DYSF: variants seen among roughly 807,000 people sequenced by gnomAD.
The protein encoded by DYSF is dystrophy-associated fer-1-like 1.
In DYSF, 212 loss-of-function variants were observed where a neutral mutation model predicts 274.9. That is an observed-to-expected ratio of 0.77 (90% CI 0.69 to 0.86). The LOEUF (loss-of-function observed/expected upper bound fraction) is 0.86, where lower values mean the gene tolerates loss of function less well. DYSF is among the 40% of genes least tolerant of loss of function. The pLI is 0.00. For synonymous variants in DYSF, 1,091 were observed against 1,078.7 expected, an observed-to-expected ratio of 1.01 and a Z score of -0.22; for missense variants, 2,666 against 2,783.2, an observed-to-expected ratio of 0.96 and a Z score of 0.95.
At chr2:71,523,420 G>T (rs1475125152) in intron 12 of DYSF, among the ~76,000 whole-genome samples, 2 of 152,198 alleles carry the variant, frequency 1.3e-5, no homozygotes, top group African/African-American at 4.8e-5. Flanking sequence ...TTTGTTAGGG[G>T]AGGCAGAAAA....
intron 45 of DYSF, among the ~76,000 whole-genome samples, chr2:71,663,436 G>A (rs565044154): frequency 5.2e-4 from 79 of 152,226 alleles, no homozygotes; most frequent in Non-Finnish European, 1.0e-3. Context: ...AGCAGTTCCA[G>A]TCTGGCCTCA....
At position 71,589,113 on chromosome 2, in the gene DYSF, G is replaced by C. The variant is rs114365192; in HGVS notation, c.3403-480G>C. Among the ~76,000 whole-genome samples, 545 of 152,276 alleles carry C rather than the reference G, an allele frequency of 3.6e-3. 4 individuals are homozygous for C. The highest frequency in any genetic ancestry group is 0.013 in the African/African-American group (522 of 41,538). On this transcript the variant is annotated intron_variant, in intron 30 of 55. Coordinates refer to ENST00000410020, the MANE Select transcript of DYSF (RefSeq NM_001130987.2). ...AGCCTTGCTCACCCTCAGCAGAGTGGGAACTGGTGAGAGATGGTGGGTGTG... is the reference window on the plus strand; with the variant it reads ...AGCCTTGCTCACCCTCAGCAGAGTGCGAACTGGTGAGAGATGGTGGGTGTG...
chr2:71,566,353 CAAAAA>C (rs773800974), intron 24 of DYSF, among the ~76,000 whole-genome samples: 3 of 49,816 alleles, frequency 6.0e-5, no homozygotes, highest in East Asian at 8.3e-4. Context: ...TGGTTTCAAG[CAAAAA>C]AAAAAAAAAA....
At chr2:71,498,771 T>C (rs2084675683) in intron 3 of DYSF, among the ~76,000 whole-genome samples, 1 of 152,230 alleles carries the variant, frequency 6.6e-6, no homozygotes, top group African/African-American at 2.4e-5. Flanking sequence ...TAAGGGCATT[T>C]TGGAGATTAA....
intron 32 of DYSF, among the ~76,000 whole-genome samples, chr2:71,592,076 C>G (rs938333503): frequency 6.6e-6 from 1 of 152,244 alleles, no homozygotes; most frequent in Non-Finnish European, 1.5e-5. Context: ...TATAGCCTTG[C>G]TTCCTCTCCC....
Position 71,665,315 on chromosome 2 carries a change from A to G in DYSF, c.5317+11A>G, listed in dbSNP as rs2152951889. On this transcript the variant is annotated intron_variant, in intron 47 of 55. Transcript: ENST00000410020. ...CCATTGAAGAGATAGGTGAGCTGCC[A>G]CATGACCCCAAACCATGGTGGGCTC... 1.2e-6 allele frequency: 2 copies of G among 1,614,116 alleles called. No individual in the cohort carries two copies. The highest frequency in any genetic ancestry group is 1.1e-5 in the South Asian group (1 of 91,082).
intron 4 of DYSF, among the ~76,000 whole-genome samples, chr2:71,504,416 C>T (rs2085288583): frequency 6.6e-6 from 1 of 152,174 alleles, no homozygotes; most frequent in East Asian, 1.9e-4. Context: ...GGCTCACTGG[C>T]AGAATGTTCT....
chr2:71,645,779 C>T (rs1480901146), intron 42 of DYSF, among the ~76,000 whole-genome samples: 1 of 152,072 alleles, frequency 6.6e-6, no homozygotes, highest in African/African-American at 2.4e-5. Context: ...TTTTCACTTA[C>T]TAAATCTGGC....
intron 50 of DYSF, 53 bp from the exon 51 acceptor site, chr2:71,669,552 T>G: frequency 6.2e-7 from 1 of 1,610,218 alleles, no homozygotes; most frequent in African/African-American, 1.3e-5. Flanking sequence ...ACGATGTATA[T>G]ACTGTGTTGG....
At chr2:71,664,966 C>A (rs1031351099) in intron 46 of DYSF, among the ~76,000 whole-genome samples, 196 bp from the exon 47 acceptor site, 1 of 152,168 alleles carries the variant, frequency 6.6e-6, no homozygotes, top group Admixed American at 6.5e-5. Flanking sequence ...TAAATGAGTC[C>A]TTTTCTCTCT....
rs557443221 is a variant in DYSF, at chr2:71,662,504, G to A, written c.5004-1764G>A. Among the ~76,000 whole-genome samples, 10 of 148,698 alleles carry A rather than the reference G, an allele frequency of 6.7e-5. No individual in the cohort carries two copies. In the East Asian group the frequency reaches 1.2e-3, roughly 18 times the overall value. On this transcript the variant is annotated intron_variant, in intron 45 of 55. Transcript: ENST00000410020. ...TGTATGTATTTGTGTGTATGTGTGT[G>A]TATATGTGTATGTGTGTCTGTGTTC... is the stretch of plus-strand genomic sequence containing the variant.
chr2:71,601,383 A>G (rs1184478791), intron 34 of DYSF, 116 bp from the exon 35 acceptor site: 10 of 1,361,588 alleles, frequency 7.3e-6, no homozygotes, highest in African/African-American at 1.4e-5. Flanking sequence ...CCCTCAAGGA[A>G]TAGAGGCTGC....
chr2:71,618,260 G>A (rs1299421869), intron 40 of DYSF, among the ~76,000 whole-genome samples: 4 of 86,166 alleles, frequency 4.6e-5, no homozygotes, highest in African/African-American at 1.2e-4. Flanking sequence ...TGGCGTGTGT[G>A]GTAGAGGTGT....
At chr2:71,476,281 G>C (rs1037932409) in intron 1 of DYSF, among the ~76,000 whole-genome samples, 3 of 152,094 alleles carry the variant, frequency 2.0e-5, no homozygotes, top group Non-Finnish European at 2.9e-5. Context: ...GCTGGGTGTG[G>C]TGGCTCACAC....
chr2:71,661,116 CAAAAAAAAAAAA>C (rs55761719), intron 45 of DYSF, among the ~76,000 whole-genome samples: 1 of 85,944 alleles, frequency 1.2e-5, no homozygotes, highest in Non-Finnish European at 2.3e-5. Flanking sequence ...AACCCTGTCT[CAAAAAAAAAAAA>C]AAAAAAAAAG....
At chr2:71,613,458 T>G in intron 40 of DYSF, 48 bp downstream of exon 40, 1 of 1,481,354 alleles carries the variant, frequency 6.8e-7, no homozygotes, top group Non-Finnish European at 9.4e-7. Flanking sequence ...TTCCCCTCCA[T>G]TCCTCATCAA....
chr2:71,472,060 A>G (rs1483213353), intron 1 of DYSF, among the ~76,000 whole-genome samples: 1 of 152,090 alleles, frequency 6.6e-6, no homozygotes, highest in African/African-American at 2.4e-5. Context: ...TCTGCGTAAT[A>G]TTTTCTTATA....
intron 40 of DYSF, among the ~76,000 whole-genome samples, chr2:71,619,795 C>G (rs935384418): frequency 4.6e-5 from 7 of 152,198 alleles, no homozygotes; most frequent in Admixed American, 1.3e-4. Flanking sequence ...GAGCCCCATC[C>G]CCTTATCCTA....
intron 17 of DYSF, among the ~76,000 whole-genome samples, chr2:71,550,173 A>G (rs774424845): frequency 1.3e-5 from 2 of 152,178 alleles, no homozygotes; most frequent in Non-Finnish European, 2.9e-5. Flanking sequence ...TACCTTTGGC[A>G]TTTTGGAAAC....
Sources: gnomAD v4.1 joint callset for allele counts (sites outside exome capture counted in the v4.1 genomes callset) on GRCh38, gnomAD v4.1.1 for gene constraint, MANE v1.5 for transcripts, NCBI Gene and HGNC (gene_info 2026-07-23, HGNC 2026-07-21) for gene names.